ZNF334: variants seen among roughly 807,000 people sequenced by gnomAD.
The protein encoded by ZNF334 is zinc finger protein 334.
In ZNF334, 14 loss-of-function variants were observed where a neutral mutation model predicts 12.4. That is an observed-to-expected ratio of 1.13 (90% confidence interval 0.74 to 1.76). The LOEUF is 1.76. ZNF334 is among the 40% of genes most tolerant of loss of function. The pLI, the probability that ZNF334 is intolerant of heterozygous loss-of-function variation, is 0.00. For missense variants in ZNF334, 797 were observed against 804.5 expected (o/e 0.99, Z 0.11); for synonymous variants, 273 against 269.6 (o/e 1.01, Z -0.12).
At chr20:46,496,443 T>A (rs279721), downstream of ZNF334, among the ~76,000 whole-genome samples, 2 of 152,174 alleles carry the variant, frequency 1.3e-5, no homozygotes, top group Non-Finnish European at 2.9e-5. Context: ...ATGAAGAGAC[T>A]CTTTACAAAA....
downstream of ZNF334, among the ~76,000 whole-genome samples, chr20:46,494,709 T>G (rs1346598222): frequency 2.6e-5 from 4 of 152,228 alleles, no homozygotes; most frequent in East Asian, 7.7e-4. Flanking sequence ...ATGTTTCAAA[T>G]ACACGAAGAC....
At chr20:46,468,171 C>T in the ZNF334 span, among the ~76,000 whole-genome samples, 1 of 152,120 alleles carries the variant, frequency 6.6e-6, no homozygotes, top group Non-Finnish European at 1.5e-5. Flanking sequence ...ACTGAGGCGG[C>T]GGTGCACGAC....
At position 46,504,549 on chromosome 20, in the gene ZNF334, A is replaced by C. The variant is rs767307201; in HGVS notation, c.148+65T>G. ...CAGGGCTAAATAAATTCTAGAAATC[A>C]ACATGTTTTTGTAACACAGAAGAAA... On this transcript the variant is annotated intron_variant, in intron 3 of 4. Coordinates refer to ENST00000692313, the MANE Select transcript of ZNF334 (RefSeq NM_001353824.2). 2.5e-5 allele frequency: 38 copies of C among 1,520,160 alleles called. No individual in the cohort carries two copies. In the South Asian group the frequency reaches 2.8e-4, roughly 11 times the overall value. 94.2% of individuals were successfully genotyped at this position (1,520,160 alleles called of 1,614,324 possible). A position where few individuals can be genotyped will look rare whatever the true frequency, so the allele number is the denominator to read the frequency against.
downstream of ZNF334, among the ~76,000 whole-genome samples, chr20:46,499,173 C>CAAAAAAAA (rs61489091): frequency 1.7e-5 from 1 of 59,766 alleles, no homozygotes; most frequent in African/African-American, 7.7e-5. Context: ...GACTCCGTCT[C>CAAAAAAAA]AAAAAAAAAA....
intron 2 of ZNF334, among the ~76,000 whole-genome samples, chr20:46,508,371 AAG>A (rs1217208565): frequency 6.6e-6 from 1 of 152,342 alleles, no homozygotes; most frequent in African/African-American, 2.4e-5. Context: ...ATGTAATGCA[AAG>A]AAGAGGGCCA....
the ZNF334 span, among the ~76,000 whole-genome samples, chr20:46,470,565 T>C: frequency 6.6e-6 from 1 of 152,202 alleles, no homozygotes; most frequent in East Asian, 1.9e-4. Context: ...ACAGAGTGGG[T>C]TGAGACAGGT....
intron 2 of ZNF334, among the ~76,000 whole-genome samples, chr20:46,507,351 G>A (rs904175697): frequency 1.2e-4 from 19 of 152,250 alleles, no homozygotes; most frequent in Middle Eastern, 6.8e-3. Flanking sequence ...AAGGACCATC[G>A]TGGGTTGCAA....
At chr20:46,494,169 A>G in the ZNF334 span, among the ~76,000 whole-genome samples, 1 of 152,352 alleles carries the variant, frequency 6.6e-6, no homozygotes, top group East Asian at 1.9e-4. Flanking sequence ...AATACTGAAT[A>G]CATTTGAGCC....
chr20:46,495,226 C>CA (rs1024236333), downstream of ZNF334, among the ~76,000 whole-genome samples: 1 of 151,790 alleles, frequency 6.6e-6, no homozygotes, highest in Non-Finnish European at 1.5e-5. Context: ...ATAAATCTAA[C>CA]AGAGCGTTTG....
At chr20:46,465,606 T>C in the ZNF334 span, among the ~76,000 whole-genome samples, 1 of 152,130 alleles carries the variant, frequency 6.6e-6, no homozygotes, top group Non-Finnish European at 1.5e-5. Context: ...ACACCTGTAG[T>C]CCCAGCTACT....
Position 46,501,227 on chromosome 20 carries a change from A to T in ZNF334, c.*69T>A. The T allele has an allele frequency of 6.5e-7, 1 of 1,543,194 alleles. No individual in the cohort carries two copies. Among genetic ancestry groups the T allele is most frequent in the South Asian group, 1.3e-5 (1 of 77,454 alleles). ...TATAAGATTTTACTCCTCTATACAT[A>T]CTCACAGTTTAGCATTGTGTAAGTT... On this transcript the variant is annotated 3_prime_UTR_variant, in exon 5 of 5. Transcript: ENST00000692313.
chr20:46,502,451 A>T lies in ZNF334; in HGVS notation c.888T>A (p.Ser296Arg). ...TGTCAATGAAGGTTTTCCTGCATTC[A>T]CTGCATTCATAGGGTCTCTCTCCAG... ...IHTGERPYEC[S>R]ECRKTFIDKS... The change falls in exon 5 of 5, where the codon AGT becomes AGA. Residue 296 changes from serine to arginine, a missense_variant. Transcript: ENST00000692313. The T allele has an allele frequency of 6.2e-7, 1 of 1,614,100 alleles. No homozygotes were observed.
chr20:46,485,861 T>C, the ZNF334 span, among the ~76,000 whole-genome samples: 1 of 152,238 alleles, frequency 6.6e-6, no homozygotes, highest in Non-Finnish European at 1.5e-5. Flanking sequence ...ATTCTTTAAA[T>C]ACTTAATAAC....
At chr20:46,494,219 T>C in the ZNF334 span, among the ~76,000 whole-genome samples, 5 of 152,230 alleles carry the variant, frequency 3.3e-5, no homozygotes, top group Admixed American at 2.6e-4. Flanking sequence ...TTTGTTCTCA[T>C]AAACGTCGGT....
the ZNF334 span, chr20:46,463,934 A>G: frequency 7.4e-6 from 4 of 542,660 alleles, no homozygotes; most frequent in Non-Finnish European, 1.5e-5. Context: ...TCATCATGGA[A>G]CAAGTCCCAC....
the ZNF334 span, among the ~76,000 whole-genome samples, chr20:46,480,450 C>T: frequency 3.3e-5 from 5 of 152,150 alleles, no homozygotes; most frequent in Non-Finnish European, 7.4e-5. Context: ...ATGCAGCTGC[C>T]TCATGGGGGT....
the ZNF334 span, among the ~76,000 whole-genome samples, chr20:46,474,332 A>G: frequency 1.3e-5 from 2 of 151,606 alleles, no homozygotes; most frequent in Non-Finnish European, 2.9e-5. Flanking sequence ...GTGAGCCAAG[A>G]CCATGCCACT....
the ZNF334 span, chr20:46,481,342 G>A: frequency 6.6e-6 from 1 of 152,248 alleles, no homozygotes; most frequent in Non-Finnish European, 1.5e-5. Context: ...AGTGACCCAA[G>A]ATTTAGTATT....
intron 2 of ZNF334, among the ~76,000 whole-genome samples, chr20:46,510,451 C>T (rs1191215513): frequency 2.6e-5 from 4 of 152,110 alleles, no homozygotes; most frequent in Non-Finnish European, 1.5e-5. Flanking sequence ...TCAGGCCGGG[C>T]GCGATGGCTC....
Sources: allele counts gnomAD v4.1 joint callset (sites outside exome capture counted in the v4.1 genomes callset), GRCh38; gene constraint gnomAD v4.1.1; transcripts MANE v1.5; gene names NCBI Gene and HGNC (gene_info 2026-07-23, HGNC 2026-07-21).